The following CREB5 variants were observed in gnomAD, a reference collection of about 807,000 sequenced individuals.
CREB5 encodes the protein cAMP responsive element binding protein 5, also known as cyclic AMP-responsive element-binding protein 5.
A neutral mutation model predicts 57.1 loss-of-function variants in CREB5; 19 were observed. That is an observed-to-expected ratio of 0.33 (90% CI 0.23 to 0.49). CREB5 has a LOEUF of 0.49. Among genes scored for constraint, CREB5 ranks in the 20% least tolerant of loss-of-function variants. The pLI, the probability that CREB5 is intolerant of heterozygous loss-of-function variation, is 0.99. For missense variants in CREB5, 579 were observed against 671.6 expected (o/e 0.86, Z 1.52); for synonymous variants, 238 against 238.3 (o/e 1.00, Z 0.01).
intron 9 of CREB5, among the ~76,000 whole-genome samples, chr7:28,815,235 T>C (rs1583810134): frequency 6.6e-6 from 1 of 152,338 alleles, no homozygotes; most frequent in East Asian, 1.9e-4. Flanking sequence ...ATGGTGCCAC[T>C]GTAGTCCAGC....
At chr7:28,610,470 A>C (rs1047234814) in intron 5 of CREB5, among the ~76,000 whole-genome samples, 1 of 152,216 alleles carries the variant, frequency 6.6e-6, no homozygotes, top group African/African-American at 2.4e-5. Context: ...TATTCACCGC[A>C]TACATTCACG....
At position 28,580,891 on chromosome 7, in the gene CREB5, A is replaced by C. The variant is rs150711613; in HGVS notation, c.464+10354A>C. ...TGGGTTTCATACCCATTGAGCTTCA[A>C]ATTGAATGAAAACTGCATCAGATAC... is the stretch of plus-strand genomic sequence containing the variant. On this transcript the variant is annotated intron_variant, in intron 5 of 10. Transcript: ENST00000357727. Among the ~76,000 whole-genome samples the C allele has an allele frequency of 1.4e-3, 210 of 152,142 alleles. 1 individual carries two copies. Among genetic ancestry groups the C allele is most frequent in the African/African-American group, 5.0e-3 (206 of 41,498 alleles).
intron 1 of CREB5, among the ~76,000 whole-genome samples, chr7:28,405,110 T>C (rs1252457697): frequency 1.3e-5 from 2 of 152,218 alleles, no homozygotes; most frequent in African/African-American, 4.8e-5. Flanking sequence ...CAGTTTTGGA[T>C]GCATTTTGCA....
At chr7:28,381,984 G>A (rs1457783541) in intron 1 of CREB5, among the ~76,000 whole-genome samples, 2 of 152,358 alleles carry the variant, frequency 1.3e-5, no homozygotes, top group East Asian at 1.9e-4. Context: ...GGAGAACCAG[G>A]GAAACCTGCT....
intron 1 of CREB5, among the ~76,000 whole-genome samples, chr7:28,311,395 G>A (rs1285872235): frequency 6.6e-6 from 1 of 152,128 alleles, no homozygotes; most frequent in African/African-American, 2.4e-5. Flanking sequence ...AAAACCAATG[G>A]GAACTGAGCA....
chr7:28,718,046 G>A (rs1802801523), intron 5 of CREB5, among the ~76,000 whole-genome samples: 1 of 152,180 alleles, frequency 6.6e-6, no homozygotes, highest in Admixed American at 6.5e-5. Context: ...ACTCCCCCGA[G>A]GAGTGCTTAC....
chr7:28,360,614 G>C (rs1786455922), intron 1 of CREB5, among the ~76,000 whole-genome samples: 1 of 152,172 alleles, frequency 6.6e-6, no homozygotes, highest in African/African-American at 2.4e-5. Context: ...ATTTCAGTTA[G>C]ACTGGAGGAA....
At chr7:28,434,383 C>T (rs1196242933) in intron 1 of CREB5, among the ~76,000 whole-genome samples, 1 of 152,108 alleles carries the variant, frequency 6.6e-6, no homozygotes, top group Non-Finnish European at 1.5e-5. Context: ...ATTCAACACC[C>T]AGATCCAGTT....
At chr7:28,661,336 G>C (rs1417311631) in intron 5 of CREB5, among the ~76,000 whole-genome samples, 1 of 152,048 alleles carries the variant, frequency 6.6e-6, no homozygotes, top group Non-Finnish European at 1.5e-5. Flanking sequence ...CACTCTTTCT[G>C]GATGCTCAGT....
At chr7:28,641,921 G>GGCACGTGTGT (rs1247178537) in intron 5 of CREB5, among the ~76,000 whole-genome samples, 2 of 152,198 alleles carry the variant, frequency 1.3e-5, no homozygotes, top group Admixed American at 6.5e-5. Context: ...CAAAAGAAAA[G>GGCACGTGTGT]GCACGTGTGT....
At chr7:28,359,960 G>C (rs766471402) in intron 1 of CREB5, among the ~76,000 whole-genome samples, 10 of 152,136 alleles carry the variant, frequency 6.6e-5, no homozygotes, top group Non-Finnish European at 1.5e-4. Context: ...ATAGCCAACA[G>C]ATATATGAAA....
At chr7:28,391,058 A>G (rs1323423658) in intron 1 of CREB5, among the ~76,000 whole-genome samples, 5 of 152,176 alleles carry the variant, frequency 3.3e-5, no homozygotes, top group Admixed American at 3.3e-4. Flanking sequence ...TAAAATAGAG[A>G]AAACAATCTA....
chr7:28,436,792 A>G (rs1476816061), intron 1 of CREB5, among the ~76,000 whole-genome samples: 1 of 152,102 alleles, frequency 6.6e-6, no homozygotes, highest in Non-Finnish European at 1.5e-5. Flanking sequence ...GATAAAGGGG[A>G]CCAGCCCCAC....
chr7:28,560,919 T>TGTGTGCGC, intron 4 of CREB5, among the ~76,000 whole-genome samples: 1 of 42,996 alleles, frequency 2.3e-5, no homozygotes, highest in South Asian at 9.6e-4. Context: ...CGTGTGCGTG[T>TGTGTGCGC]GTGCGCGTGC....
intron 5 of CREB5, 119 bp downstream of exon 5, chr7:28,570,656 T>C: frequency 8.6e-7 from 1 of 1,157,904 alleles, no homozygotes; most frequent in South Asian, 1.6e-5. Flanking sequence ...TGATATTGCC[T>C]AGAGCTCAGA....
chr7:28,332,291 T>C (rs956064499), intron 1 of CREB5, among the ~76,000 whole-genome samples: 1 of 152,192 alleles, frequency 6.6e-6, no homozygotes, highest in Non-Finnish European at 1.5e-5. Context: ...AACCGTGAGA[T>C]AATGCATTTC....
intron 1 of CREB5, among the ~76,000 whole-genome samples, chr7:28,312,923 T>A (rs1230690959): frequency 6.6e-6 from 1 of 152,194 alleles, no homozygotes; most frequent in Non-Finnish European, 1.5e-5. Context: ...CCAAAGAACC[T>A]TATGAGACTT....
At chr7:28,757,204 T>G (rs1282486697) in intron 7 of CREB5, among the ~76,000 whole-genome samples, 4 of 152,166 alleles carry the variant, frequency 2.6e-5, no homozygotes. Flanking sequence ...CATTCTTATT[T>G]TACAGAGGAG....
intron 9 of CREB5, among the ~76,000 whole-genome samples, chr7:28,811,885 G>A (rs892364061): frequency 3.3e-5 from 5 of 152,148 alleles, no homozygotes; most frequent in Non-Finnish European, 7.3e-5. Flanking sequence ...TGAAGTGGGG[G>A]GAATCCCAGG....
Sources: allele counts gnomAD v4.1 joint callset (sites outside exome capture counted in the v4.1 genomes callset), GRCh38; gene constraint gnomAD v4.1.1; transcripts MANE v1.5; gene names NCBI Gene and HGNC (gene_info 2026-07-23, HGNC 2026-07-21).